MLIP: variants seen among roughly 807,000 people sequenced by gnomAD.
MLIP encodes the protein muscular LMNA-interacting protein.
Under a neutral mutation model 84.8 loss-of-function variants are expected in MLIP, and 79 were observed. The ratio of observed to expected loss-of-function variants is 0.93; its 90% CI spans 0.78 to 1.12. MLIP has a LOEUF of 1.12. Ranked by LOEUF, MLIP falls within the 50% of genes most tolerant of loss-of-function variation. The pLI is 0.00. For synonymous variants in MLIP, 504 were observed against 463.0 expected (o/e 1.09, Z -1.14); for missense variants, 1,257 against 1,160.6 (o/e 1.08, Z -1.21).
intron 1 of MLIP, among the ~76,000 whole-genome samples, chr6:54,041,225 A>G (rs1393467122): frequency 6.6e-6 from 1 of 152,128 alleles, no homozygotes; most frequent in Non-Finnish European, 1.5e-5. Flanking sequence ...ATGTTATAAC[A>G]ATATTGCTCC....
At chr6:54,206,180 G>C (rs1779022857) in intron 11 of MLIP, among the ~76,000 whole-genome samples, 1 of 152,062 alleles carries the variant, frequency 6.6e-6, no homozygotes, top group African/African-American at 2.4e-5. Flanking sequence ...TTTAATATGT[G>C]TAATTAGATA....
chr6:54,099,798 A>G (rs1768506331), intron 1 of MLIP, among the ~76,000 whole-genome samples: 2 of 152,174 alleles, frequency 1.3e-5, no homozygotes, highest in Admixed American at 6.5e-5. Context: ...TGAAGGGGAT[A>G]GGCTTGCTTT....
At chr6:54,141,962 C>T (rs1008174025) in intron 4 of MLIP, among the ~76,000 whole-genome samples, 1 of 152,162 alleles carries the variant, frequency 6.6e-6, no homozygotes, top group Admixed American at 6.5e-5. Flanking sequence ...AACTTTATAA[C>T]TGGTGTTTTA....
At chr6:54,141,896 A>G (rs913644009) in intron 4 of MLIP, among the ~76,000 whole-genome samples, 4 of 152,172 alleles carry the variant, frequency 2.6e-5, no homozygotes, top group African/African-American at 9.7e-5. Flanking sequence ...GCTTAAAGCT[A>G]TTTGGACACA....
intron 1 of MLIP, among the ~76,000 whole-genome samples, chr6:54,068,048 C>CTTCT (rs1766297874): frequency 1.8e-5 from 1 of 56,864 alleles, no homozygotes; most frequent in Non-Finnish European, 5.8e-5. Flanking sequence ...TCTTTCCTTC[C>CTTCT]TTCCTTCCTT....
chr6:54,162,145 A>G (rs1377260915), intron 8 of MLIP, among the ~76,000 whole-genome samples: 3 of 152,012 alleles, frequency 2.0e-5, no homozygotes, highest in Non-Finnish European at 4.4e-5. Flanking sequence ...CACTAGGAAC[A>G]TAAGCAAGGC....
At chr6:54,181,998 T>C (rs988415257) in intron 9 of MLIP, among the ~76,000 whole-genome samples, 3 of 152,158 alleles carry the variant, frequency 2.0e-5, no homozygotes, top group African/African-American at 7.2e-5. Flanking sequence ...GCACAAGTAC[T>C]CCCTTTGCCA....
chr6:54,092,500 G>A lies in MLIP; in HGVS notation c.64-28947G>A, dbSNP rs1353642905. ...AGGCAAGTAGTACCGTAAAAGTCAG[G>A]CGAGTTTTGCAGAACATACTTCTTT... On this transcript the variant is annotated intron_variant, in intron 1 of 12. Coordinates refer to the MLIP transcript ENST00000274897. Among the ~76,000 whole-genome samples, 5 of 152,034 alleles carry A rather than the reference G, an allele frequency of 3.3e-5. No individual in the cohort carries two copies. The South Asian group carries it at 1.0e-3, about 32-fold the overall frequency.
At chr6:54,158,630 T>C (rs1317799619) in intron 5 of MLIP, among the ~76,000 whole-genome samples, 1 of 152,106 alleles carries the variant, frequency 6.6e-6, no homozygotes, top group Non-Finnish European at 1.5e-5. Flanking sequence ...CCACATGAAA[T>C]TGCCATCTTG....
At chr6:54,075,919 T>G (rs1367548530) in intron 1 of MLIP, among the ~76,000 whole-genome samples, 1 of 152,252 alleles carries the variant, frequency 6.6e-6, no homozygotes, top group Non-Finnish European at 1.5e-5. Flanking sequence ...TTTGCTACAC[T>G]TAATAGAGGG....
chr6:54,223,543 C>A (rs1355193279), intron 11 of MLIP, among the ~76,000 whole-genome samples: 2 of 151,970 alleles, frequency 1.3e-5, no homozygotes. Context: ...GTTGTCCAAC[C>A]ATAATGGGTA....
chr6:54,166,098 C>T (rs1310888290), intron 8 of MLIP, among the ~76,000 whole-genome samples: 5 of 151,758 alleles, frequency 3.3e-5, no homozygotes, highest in Non-Finnish European at 7.4e-5. Context: ...TTATAGCGGC[C>T]CAAATGTGCT....
At chr6:54,249,734 C>CACACACACACATATATAT (rs145607176) in intron 12 of MLIP, among the ~76,000 whole-genome samples, 5 of 127,612 alleles carry the variant, frequency 3.9e-5, no homozygotes, top group African/African-American at 1.5e-4. Context: ...CACACACACA[C>CACACACACACATATATAT]ATATATATAT....
intron 4 of MLIP, among the ~76,000 whole-genome samples, chr6:54,148,525 T>C (rs1773096770): frequency 6.6e-6 from 1 of 152,216 alleles, no homozygotes; most frequent in South Asian, 2.1e-4. Context: ...ATATTATTTA[T>C]GTTCAAATTA....
chr6:54,167,128 T>C (rs1562006421), intron 8 of MLIP, among the ~76,000 whole-genome samples: 1 of 151,980 alleles, frequency 6.6e-6, no homozygotes, highest in Non-Finnish European at 1.5e-5. Flanking sequence ...CCTATACCCC[T>C]GACTCACAAT....
chr6:54,169,557 T>C lies in MLIP; in HGVS notation c.2529T>C (p.Gly843=), dbSNP rs747351422. Residue 843 remains glycine (G), a synonymous_variant, in exon 9 of 14, where the codon GGT becomes GGC. Transcript: ENST00000502396. ...CTACAACTCTTCCAAGAGCAGCTGG[T>C]CGAGAAACCAAATATGTAAGTACCT... ...KTPTTLPRAA[G]RETKYANLSS... 1 of 1,589,644 alleles carries C rather than the reference T, an allele frequency of 6.3e-7. No homozygotes were observed. The highest frequency in any genetic ancestry group is 8.6e-7 in the Non-Finnish European group (1 of 1,167,772).
chr6:54,126,191 G>T (rs376528218), intron 3 of MLIP, among the ~76,000 whole-genome samples: 37 of 152,108 alleles, frequency 2.4e-4, no homozygotes, highest in Middle Eastern at 6.8e-3. Flanking sequence ...AATTTCCATT[G>T]TTAGGGGAGG....
chr6:54,067,889 C>T lies in MLIP; in HGVS notation c.63+48798C>T, dbSNP rs1231997788. Among the ~76,000 whole-genome samples the T allele has an allele frequency of 3.0e-5, 3 of 99,652 alleles. 1 individual carries two copies. The highest frequency in any genetic ancestry group is 5.4e-4 in the East Asian group (2 of 3,688). 65.4% of individuals were successfully genotyped at this position (99,652 alleles called of 152,430 possible). A position where few individuals can be genotyped will look rare whatever the true frequency, so the allele number is the denominator to read the frequency against. The stretch of plus-strand genomic sequence containing the variant: ...ATTCACCGACCTACACATCAAGACA[C>T]GATTGAAAATCCAAGTCTCAGCCAA... On this transcript the variant is annotated intron_variant, in intron 1 of 12. Transcript: ENST00000274897.
chr6:54,027,944 C>T (rs531771493), intron 1 of MLIP, among the ~76,000 whole-genome samples: 6 of 151,974 alleles, frequency 3.9e-5, no homozygotes, highest in East Asian at 1.9e-4. Flanking sequence ...GCATACTGTA[C>T]GTGTGGCGAA....
Sources: allele counts gnomAD v4.1 joint callset (sites outside exome capture counted in the v4.1 genomes callset), GRCh38; gene constraint gnomAD v4.1.1; transcripts MANE v1.5; gene names NCBI Gene and HGNC (gene_info 2026-07-23, HGNC 2026-07-21).